The following GSTM3 variants were observed in gnomAD, a reference collection of about 807,000 sequenced individuals.
GSTM3 encodes the protein GST class-mu 3.
Under a neutral mutation model 36.1 loss-of-function variants are expected in GSTM3, and 34 were observed. The observed-to-expected ratio is 0.94, with a 90% confidence interval of 0.72 to 1.25. GSTM3 has a LOEUF of 1.25. GSTM3 is among the 50% of genes most tolerant of loss of function. The pLI, the probability that GSTM3 is intolerant of heterozygous loss-of-function variation, is 0.00. For missense variants in GSTM3, 266 were observed against 281.6 expected (o/e 0.94, Z 0.40); for synonymous variants, 102 against 99.5 (o/e 1.03, Z -0.15).
At chr1:109,737,896 G>A (rs931937355) in intron 6 of GSTM3, 145 bp from the exon 7 acceptor site, 1 of 695,522 alleles carries the variant, frequency 1.4e-6, no homozygotes, top group Non-Finnish European at 2.5e-6. Flanking sequence ...GGAAAGAGGA[G>A]TTTAGAAAGA....
At chr1:109,738,249 C>T in intron 5 of GSTM3, 36 bp downstream of exon 5, 2 of 1,601,146 alleles carry the variant, frequency 1.2e-6, no homozygotes, top group Non-Finnish European at 1.7e-6. Context: ...GACAAACTAC[C>T]AGCCTGGGGT....
At chr1:109,739,560 T>C in intron 3 of GSTM3, 67 bp from the exon 4 acceptor site, 2 of 1,183,292 alleles carry the variant, frequency 1.7e-6, no homozygotes, top group Non-Finnish European at 2.5e-6. Context: ...GCAAAAGATC[T>C]AAAGAAATGA....
Position 109,737,120 on chromosome 1 carries a change from A to G in GSTM3, c.629T>C (p.Met210Thr), listed in dbSNP as rs1436360356. Residue 210 changes from methionine (M) to threonine (T), a missense_variant, in exon 9 of 9, where the codon ATG becomes ACG. Coordinates refer to ENST00000361066, the MANE Select transcript of GSTM3 (RefSeq NM_000849.5). ...CTGGGCCATCTTGTTGTTGATGGGCATCTTGCAGAACTGATCAGACTGTAA... is the reference window on the plus strand; with the variant it reads ...CTGGGCCATCTTGTTGTTGATGGGCGTCTTGCAGAACTGATCAGACTGTAA... ...AYLQSDQFCK[M>T]PINNKMAQWG... 6.2e-7 allele frequency: 1 copy of G among 1,614,008 alleles called. No homozygotes were observed. The highest frequency in any genetic ancestry group is 1.1e-5 in the South Asian group (1 of 91,072).
rs373595331 is a variant in GSTM3 at position 109,737,652 on chromosome 1, C to G, written c.468+4G>C. ...AGTATCCTCTTCTTTTCCCTTCTTC[C>G]TACCTTTTCCCCGGCAAACCATGAG... On this transcript the variant is annotated splice_donor_region_variant and intron_variant, in intron 7 of 8. Transcript: ENST00000361066. The G allele has an allele frequency of 3.1e-5, 50 of 1,596,978 alleles. No homozygotes were observed. The highest frequency in any genetic ancestry group is 1.6e-4 in the East Asian group (7 of 44,822).
Position 109,737,478 on chromosome 1 carries a change from C to T in GSTM3, c.558G>A (p.Lys186=), listed in dbSNP as rs2101349659. The T allele has an allele frequency of 6.2e-7, 1 of 1,609,770 alleles. No individual in the cohort carries two copies. Among genetic ancestry groups the T allele is most frequent in the East Asian group, 2.2e-5 (1 of 44,848 alleles). ...TCACCTCAAAACGGCACATGAAAGC[C>T]TTCAGGTTTGGGAACTCATCCAGGC... The part of the protein sequence containing the change: ...PKCLDEFPNL[K]AFMCRFEALE... The change falls in exon 8 of 9, where the codon AAG becomes AAA. Residue 186 remains lysine (K), a synonymous_variant. Coordinates refer to ENST00000361066, the MANE Select transcript of GSTM3 (RefSeq NM_000849.5).
chr1:109,737,341 T>A (rs1428578800), intron 8 of GSTM3, 116 bp downstream of exon 8: 1 of 838,106 alleles, frequency 1.2e-6, no homozygotes, highest in South Asian at 1.4e-5. Context: ...TCTAGAGGTG[T>A]CCAACCATTG....
chr1:109,740,911 T>TG (rs1649365774), intron 1 of GSTM3, 42 bp downstream of exon 1: 1 of 154,490 alleles, frequency 6.5e-6, no homozygotes, highest in Admixed American at 6.4e-5. Context: ...TACACACACT[T>TG]GCATTTCCCA....
In GSTM3 at chr1:109,740,484, A is replaced by T; in HGVS notation, c.-197T>A. 1 of 587,840 alleles carries T rather than the reference A, an allele frequency of 1.7e-6. No individual in the cohort carries two copies. The highest frequency in any genetic ancestry group is 1.9e-5 in the African/African-American group (1 of 51,938). The allele number at this position is 587,840 out of a possible 1,614,324, so 36.4% of individuals were successfully genotyped here. Reference sequence around the variant, plus strand: ...CGGCGTTGGGGTTCAGGGCCTGGCGACCCCGAGGCGGGACCCGGGCAGGAG... The same window carrying T: ...CGGCGTTGGGGTTCAGGGCCTGGCGTCCCCGAGGCGGGACCCGGGCAGGAG... On this transcript the variant is annotated 5_prime_UTR_variant, in exon 2 of 9. Transcript: ENST00000361066.
At chr1:109,739,548 G>T in intron 3 of GSTM3, 55 bp from the exon 4 acceptor site, 1 of 1,279,650 alleles carries the variant, frequency 7.8e-7, no homozygotes, top group South Asian at 1.2e-5. Flanking sequence ...CACCTGACAA[G>T]AGCAAAAGAT....
intron 4 of GSTM3, among the ~76,000 whole-genome samples, chr1:109,738,612 G>A (rs1019792761): frequency 1.3e-5 from 2 of 152,160 alleles, no homozygotes. Context: ...GAATAAAGTT[G>A]TTAAATGCAT....
In GSTM3 at chr1:109,737,027, C is replaced by G; in HGVS notation, c.*44G>C. The G allele has an allele frequency of 8.2e-7, 1 of 1,224,360 alleles. No homozygotes were observed. The allele number at this position is 1,224,360 out of a possible 1,614,324, so 75.8% of individuals were successfully genotyped here. A position where few individuals can be genotyped will look rare whatever the true frequency, so the allele number is the denominator to read the frequency against. On this transcript the variant is annotated 3_prime_UTR_variant, in exon 9 of 9. Transcript: ENST00000361066. Reference sequence around the variant, plus strand: ...GCAAAGCAAGAGCGCTGACCCCTTACGGACAGGATGAAACAAAACAAGCTC... The same window carrying G: ...GCAAAGCAAGAGCGCTGACCCCTTAGGGACAGGATGAAACAAAACAAGCTC...
chr1:109,737,169 C>G lies in GSTM3; in HGVS notation c.580G>C (p.Ala194Pro), dbSNP rs969716985. The G allele has an allele frequency of 1.1e-5, 17 of 1,608,962 alleles. No individual in the cohort carries two copies. In the Admixed American group the frequency reaches 2.3e-4, roughly 22 times the overall value. ...NLKAFMCRFEALEKIAAYLQS... is the reference protein window; with the variant it reads ...NLKAFMCRFEPLEKIAAYLQS... ...AAGTAGGCAGCGATTTTCTCCAAAG[C>G]CTGAAAGGAAAATACACCAAATCTT... Residue 194 changes from alanine (A) to proline (P), a missense_variant and splice_region_variant, in exon 9 of 9, where the codon GCT becomes CCT. Transcript: ENST00000361066.
chr1:109,737,626 A>G (rs1649242574), intron 7 of GSTM3, 30 bp downstream of exon 7: 1 of 1,521,932 alleles, frequency 6.6e-7, no homozygotes, highest in Non-Finnish European at 9.0e-7. Flanking sequence ...AGAGATAGAG[A>G]AGTATCCTCT....
intron 6 of GSTM3, 144 bp from the exon 7 acceptor site, chr1:109,737,895 A>C: frequency 1.4e-6 from 1 of 692,386 alleles, no homozygotes; most frequent in Non-Finnish European, 2.5e-6. Context: ...GGGAAAGAGG[A>C]GTTTAGAAAG....
chr1:109,739,240 A>G (rs1649297381), intron 4 of GSTM3, among the ~76,000 whole-genome samples, 189 bp downstream of exon 4: 1 of 152,250 alleles, frequency 6.6e-6, no homozygotes, highest in Non-Finnish European at 1.5e-5. Context: ...AAAAGGAAAT[A>G]ACTTTTGCTA....
rs1537236 is a variant in GSTM3 at position 109,736,350 on chromosome 1, C to G, written c.*721G>C. On this transcript the variant is annotated 3_prime_UTR_variant, in exon 9 of 9. Transcript: ENST00000361066. Reference sequence around the variant, plus strand: ...GTAGAATTTGATCCTATTCAATTGGCAAATCTTTCCTTTGTGATTGTTATT... The same window carrying G: ...GTAGAATTTGATCCTATTCAATTGGGAAATCTTTCCTTTGTGATTGTTATT... 6.6e-6 allele frequency: 1 copy of G among 151,872 alleles called. No homozygotes were observed. The highest frequency in any genetic ancestry group is 6.6e-5 in the Admixed American group (1 of 15,254). 9.4% of individuals were successfully genotyped at this position (151,872 alleles called of 1,614,324 possible).
Position 109,740,407 on chromosome 1 carries a change from C to G in GSTM3, c.-120G>C, listed in dbSNP as rs1242203825. On this transcript the variant is annotated 5_prime_UTR_variant, in exon 2 of 9. Transcript: ENST00000361066. ...CCTGACTCCGCCTCCGCCCCGTTCTCCGTCCCTTGCCTCCGCGGCTCCACA... is the reference window on the plus strand; with the variant it reads ...CCTGACTCCGCCTCCGCCCCGTTCTGCGTCCCTTGCCTCCGCGGCTCCACA... 9 of 813,946 alleles carry G rather than the reference C, an allele frequency of 1.1e-5. No homozygotes were observed. Among genetic ancestry groups the G allele is most frequent in the Non-Finnish European group, 1.8e-5 (9 of 506,158 alleles). 50.4% of individuals were successfully genotyped at this position (813,946 alleles called of 1,614,324 possible).
rs1388578382 is a variant in GSTM3 at position 109,740,314 on chromosome 1, A to G, written c.-27T>C. The stretch of plus-strand genomic sequence containing the variant: ...GTGACGGGCTTCCGAGCCTTCGAGG[A>G]CTAGGGAAACTGTGAGCGGGAGGGG... On this transcript the variant is annotated 5_prime_UTR_variant, in exon 2 of 9. Coordinates refer to ENST00000361066, the MANE Select transcript of GSTM3 (RefSeq NM_000849.5). 4 of 1,607,804 alleles carry G rather than the reference A, an allele frequency of 2.5e-6. No individual in the cohort carries two copies. Among genetic ancestry groups the G allele is most frequent in the Non-Finnish European group, 3.4e-6 (4 of 1,175,150 alleles).
rs992594161 is a variant in GSTM3 at position 109,734,097 on chromosome 1, T to C, written c.*2974A>G. On this transcript the variant is annotated 3_prime_UTR_variant, in exon 9 of 9. Coordinates refer to ENST00000361066, the MANE Select transcript of GSTM3 (RefSeq NM_000849.5). Reference sequence around the variant, plus strand: ...TTTTGCCCAGATGAGAGAAGTAACATTTTCTTCTTGGGGTACTACAGCTGT... The same window carrying C: ...TTTTGCCCAGATGAGAGAAGTAACACTTTCTTCTTGGGGTACTACAGCTGT... The C allele has an allele frequency of 1.3e-5, 2 of 152,146 alleles. No homozygotes were observed. Among genetic ancestry groups the C allele is most frequent in the African/African-American group, 2.4e-5 (1 of 41,424 alleles). 9.4% of individuals were successfully genotyped at this position (152,146 alleles called of 1,614,324 possible). A position where few individuals can be genotyped will look rare whatever the true frequency, so the allele number is the denominator to read the frequency against.
Sources: allele counts gnomAD v4.1 joint callset (sites outside exome capture counted in the v4.1 genomes callset), GRCh38; gene constraint gnomAD v4.1.1; transcripts MANE v1.5; gene names NCBI Gene and HGNC (gene_info 2026-07-23, HGNC 2026-07-21).